The following EPHA6 variants were observed in gnomAD, a reference collection of about 807,000 sequenced individuals.
EPHA6 encodes the protein EPH receptor A6.
A neutral mutation model predicts 112.0 loss-of-function variants in EPHA6; 50 were observed. The ratio of observed to expected loss-of-function variants is 0.45; its 90% CI spans 0.36 to 0.56. The LOEUF (loss-of-function observed/expected upper bound fraction) is 0.56, where lower values mean the gene tolerates loss of function less well. Ranked by LOEUF, EPHA6 falls within the 20% of genes least tolerant of loss-of-function variation. The probability of loss-of-function intolerance (pLI) is 0.00; values close to 1 mark genes in which losing one functional copy is unlikely to be tolerated. For synonymous variants in EPHA6, 529 were observed against 490.7 expected (o/e 1.08, Z -1.03); for missense variants, 1,280 against 1,417.4 (o/e 0.90, Z 1.56).
chr3:97,723,328 A>G (rs2034616082), intron 15 of EPHA6, among the ~76,000 whole-genome samples: 1 of 152,182 alleles, frequency 6.6e-6, no homozygotes, highest in Admixed American at 6.5e-5. Flanking sequence ...CCTGTTGTCC[A>G]TCATCTTTTC....
chr3:97,317,728 C>A (rs2081913211), intron 5 of EPHA6, among the ~76,000 whole-genome samples: 1 of 151,806 alleles, frequency 6.6e-6, no homozygotes, highest in Admixed American at 6.6e-5. Flanking sequence ...CCTTCAGGAC[C>A]TATAGTGGGA....
chr3:97,686,424 A>G (rs1204828621), intron 14 of EPHA6, among the ~76,000 whole-genome samples: 1 of 152,190 alleles, frequency 6.6e-6, no homozygotes, highest in East Asian at 1.9e-4. Context: ...CAGAAATAAG[A>G]TCTATCCCTA....
At chr3:97,705,863 C>T (rs950199569) in intron 14 of EPHA6, among the ~76,000 whole-genome samples, 3 of 152,126 alleles carry the variant, frequency 2.0e-5, no homozygotes, top group Non-Finnish European at 4.4e-5. Context: ...AATTATTTGT[C>T]GCTTCTTTCT....
chr3:97,064,399 A>T (rs1354508376), intron 3 of EPHA6, among the ~76,000 whole-genome samples: 1 of 152,152 alleles, frequency 6.6e-6, no homozygotes, highest in Non-Finnish European at 1.5e-5. Flanking sequence ...TGCTCTAAAG[A>T]GCCAACTTCT....
At chr3:97,018,689 C>T (rs758822437) in intron 3 of EPHA6, among the ~76,000 whole-genome samples, 22 of 152,218 alleles carry the variant, frequency 1.4e-4, no homozygotes, top group Non-Finnish European at 2.9e-4. Flanking sequence ...GGAGCATGAC[C>T]ACTGAAGCAC....
intron 11 of EPHA6, among the ~76,000 whole-genome samples, chr3:97,563,711 G>A (rs2093223755): frequency 6.6e-6 from 1 of 152,178 alleles, no homozygotes; most frequent in Non-Finnish European, 1.5e-5. Context: ...GAAACTTACA[G>A]TGAATGGAGT....
chr3:97,531,306 T>C (rs1420853043), intron 10 of EPHA6, among the ~76,000 whole-genome samples: 1 of 152,112 alleles, frequency 6.6e-6, no homozygotes, highest in African/African-American at 2.4e-5. Flanking sequence ...GTTTGTTGAA[T>C]GCATTACATT....
chr3:97,525,250 A>AT (rs1283590177), intron 10 of EPHA6, among the ~76,000 whole-genome samples: 1 of 151,886 alleles, frequency 6.6e-6, no homozygotes, highest in Non-Finnish European at 1.5e-5. Context: ...ACAATTTCTA[A>AT]TTTTTTTGCA....
chr3:97,418,128 CTT>C (rs1310875128), intron 6 of EPHA6, among the ~76,000 whole-genome samples: 2 of 151,344 alleles, frequency 1.3e-5, no homozygotes, highest in Admixed American at 1.3e-4. Flanking sequence ...GGAAATTAAA[CTT>C]ATAAAATTAA....
At chr3:97,133,790 A>G (rs972378693) in intron 3 of EPHA6, among the ~76,000 whole-genome samples, 4 of 151,996 alleles carry the variant, frequency 2.6e-5, no homozygotes, top group African/African-American at 9.7e-5. Context: ...GAATCCCTAT[A>G]CCACCTAGGA....
intron 14 of EPHA6, chr3:97,648,470 A>T: frequency 7.7e-7 from 1 of 1,298,936 alleles, no homozygotes; most frequent in Non-Finnish European, 9.8e-7. Context: ...ATTCTCCTTC[A>T]CCTAATTTAG....
intron 10 of EPHA6, among the ~76,000 whole-genome samples, chr3:97,501,391 A>T (rs2092113651): frequency 6.6e-6 from 1 of 152,110 alleles, no homozygotes; most frequent in African/African-American, 2.4e-5. Flanking sequence ...CAGACAAAAA[A>T]ATATAATTGA....
intron 12 of EPHA6, among the ~76,000 whole-genome samples, chr3:97,594,357 C>G (rs532309434): frequency 6.6e-6 from 1 of 152,226 alleles, no homozygotes; most frequent in Non-Finnish European, 1.5e-5. Context: ...CTCTATTCTT[C>G]TAGGCTTTAA....
At chr3:97,451,304 C>T (rs75988875) in intron 7 of EPHA6, among the ~76,000 whole-genome samples, 4,260 of 151,936 alleles carry the variant, frequency 0.028, 190 homozygotes, top group African/African-American at 0.095. Flanking sequence ...AAGATTATGC[C>T]TCATTTTAGA....
chr3:97,221,459 C>A (rs1203931966), intron 3 of EPHA6, among the ~76,000 whole-genome samples: 2 of 151,346 alleles, frequency 1.3e-5, no homozygotes, highest in African/African-American at 4.9e-5. Flanking sequence ...ATATGTTGGA[C>A]AACATTCTTA....
intron 7 of EPHA6, among the ~76,000 whole-genome samples, chr3:97,470,559 T>C (rs1303959813): frequency 6.6e-6 from 1 of 151,730 alleles, no homozygotes; most frequent in East Asian, 1.9e-4. Flanking sequence ...TATGCCTCCA[T>C]AGAAGAAAAT....
intron 2 of EPHA6, among the ~76,000 whole-genome samples, chr3:96,946,802 G>C (rs1278794867): frequency 6.6e-6 from 1 of 152,150 alleles, no homozygotes; most frequent in African/African-American, 2.4e-5. Context: ...CAGTGTAAAA[G>C]TGTTCCTATT....
At chr3:97,181,114 G>A (rs1398039816) in intron 3 of EPHA6, among the ~76,000 whole-genome samples, 1 of 152,050 alleles carries the variant, frequency 6.6e-6, no homozygotes, top group Non-Finnish European at 1.5e-5. Context: ...GTGGGCACCA[G>A]GTGCGTTTGG....
At chr3:97,050,573 T>C in intron 3 of EPHA6, among the ~76,000 whole-genome samples, 1 of 152,152 alleles carries the variant, frequency 6.6e-6, no homozygotes, top group East Asian at 1.9e-4. Flanking sequence ...AATGGAGGGC[T>C]GCCTATCAGA....
Sources: allele counts gnomAD v4.1 joint callset (sites outside exome capture counted in the v4.1 genomes callset), GRCh38; gene constraint gnomAD v4.1.1; transcripts MANE v1.5; gene names NCBI Gene and HGNC (gene_info 2026-07-23, HGNC 2026-07-21).